Variants in BRD4 observed in about 807,000 individuals in gnomAD.
The protein encoded by BRD4 is bromodomain containing 4.
BRD4 carries 16 observed loss-of-function variants against 142.1 expected under a neutral mutation model. That is an observed-to-expected ratio of 0.11 (90% CI 0.08 to 0.17). The LOEUF is 0.17. Ranked by LOEUF, BRD4 falls within the 10% of genes least tolerant of loss-of-function variation. The pLI is 1.00. For missense variants in BRD4, 1,424 were observed against 1,810.9 expected (o/e 0.79, Z 3.88); for synonymous variants, 833 against 707.5 (o/e 1.18, Z -2.82).
chr19:15,310,512 C>T (rs2047960653), intron 1 of BRD4, among the ~76,000 whole-genome samples: 1 of 151,856 alleles, frequency 6.6e-6, no homozygotes, highest in Non-Finnish European at 1.5e-5. Flanking sequence ...AGGTGCCCAC[C>T]ACCACGCCTG....
At chr19:15,312,580 C>T (rs181253122) in intron 1 of BRD4, among the ~76,000 whole-genome samples, 1 of 151,510 alleles carries the variant, frequency 6.6e-6, no homozygotes, top group Non-Finnish European at 1.5e-5. Flanking sequence ...TGCAGTGAGC[C>T]GAGATCGCAC....
chr19:15,249,479 G>A (rs2047321644), intron 11 of BRD4, among the ~76,000 whole-genome samples: 1 of 152,126 alleles, frequency 6.6e-6, no homozygotes, highest in South Asian at 2.1e-4. Context: ...CAGACCCACC[G>A]CCCGCTTAGA....
chr19:15,307,326 A>T (rs73508451), intron 1 of BRD4, among the ~76,000 whole-genome samples: 2,059 of 152,270 alleles, frequency 0.014, 38 homozygotes, highest in African/African-American at 0.047. Flanking sequence ...TAACTCTGAC[A>T]GGTGGATGGA....
Position 15,243,503 on chromosome 19 carries a change from A to G in BRD4, c.2582-16T>C. On this transcript the variant is annotated splice_polypyrimidine_tract_variant and intron_variant, in intron 13 of 19. Coordinates refer to ENST00000679869, the MANE Select transcript of BRD4 (RefSeq NM_001379291.1). ...TTGTGCAAAGCTGGAAGAACACAAC[A>G]CCGAGGCGGTGAGGCCTGAGCACCT... is the stretch of plus-strand genomic sequence containing the variant. The G allele has an allele frequency of 6.5e-7, 1 of 1,541,398 alleles. No individual in the cohort carries two copies. The highest frequency in any genetic ancestry group is 8.7e-7 in the Non-Finnish European group (1 of 1,147,646).
intron 7 of BRD4, 92 bp downstream of exon 7, chr19:15,263,328 A>G (rs1234881821): frequency 4.7e-5 from 68 of 1,449,672 alleles, no homozygotes; most frequent in Non-Finnish European, 5.9e-5. Flanking sequence ...AAAGTGACAG[A>G]AAAAAAAACT....
At chr19:15,251,417 A>G (rs2047342706) in intron 11 of BRD4, among the ~76,000 whole-genome samples, 1 of 122,582 alleles carries the variant, frequency 8.2e-6, no homozygotes, top group Non-Finnish European at 1.6e-5. Context: ...TTCGGCTCCA[A>G]TCCAAATGGA....
Position 15,326,869 on chromosome 19 carries a change from T to A in BRD4, c.-35+5421A>T, listed in dbSNP as rs539511281. On this transcript the variant is annotated intron_variant, in intron 1 of 19. Transcript: ENST00000679869. ...TGGTTTAATTGAGGTTGGTAGCCTG[T>A]CGAGACTGAAAACAAACTGCTTTAA... Among the ~76,000 whole-genome samples the A allele has an allele frequency of 6.6e-5, 10 of 152,204 alleles. No individual in the cohort carries two copies. In the South Asian group the frequency reaches 1.4e-3, roughly 22 times the overall value.
chr19:15,259,694 G>A (rs1339992657), intron 7 of BRD4, among the ~76,000 whole-genome samples: 1 of 152,196 alleles, frequency 6.6e-6, no homozygotes, highest in African/African-American at 2.4e-5. Flanking sequence ...GGCTGCTGTA[G>A]GAAAACCTTG....
chr19:15,274,374 CAAGGG>C (rs1219691515), intron 1 of BRD4, among the ~76,000 whole-genome samples: 1 of 152,118 alleles, frequency 6.6e-6, no homozygotes, highest in African/African-American at 2.4e-5. Flanking sequence ...GTGATGGGGT[CAAGGG>C]GAGGGGAGGC....
chr19:15,270,920 T>C (rs981354207), intron 2 of BRD4, among the ~76,000 whole-genome samples: 1 of 152,118 alleles, frequency 6.6e-6, no homozygotes, highest in Admixed American at 6.5e-5. Context: ...AGGGCCACCA[T>C]GGATCAGTCC....
chr19:15,330,064 C>A (rs2048143737), intron 1 of BRD4, among the ~76,000 whole-genome samples: 1 of 152,250 alleles, frequency 6.6e-6, no homozygotes, highest in Admixed American at 6.5e-5. Flanking sequence ...GCCAAACAAT[C>A]CTTAAAACTC....
At position 15,237,263 on chromosome 19, in the gene BRD4, A is replaced by G. The variant is rs898567183; in HGVS notation, c.*1114T>C. The G allele has an allele frequency of 0.12, 4,350 of 35,236 alleles. 10 individuals are homozygous for G. The highest frequency in any genetic ancestry group is 0.14 in the Admixed American group (269 of 1,856). The allele number at this position is 35,236 out of a possible 1,614,324, so 2.2% of individuals were successfully genotyped here. On this transcript the variant is annotated 3_prime_UTR_variant, in exon 20 of 20. Coordinates refer to ENST00000679869, the MANE Select transcript of BRD4 (RefSeq NM_001379291.1). ...AAATGGGTGGGGGGGGGGGGGGTGG[A>G]GGGGAAAGAAAAGAAATTGTAGCTT...
chr19:15,298,414 G>T (rs1325847321), intron 1 of BRD4, among the ~76,000 whole-genome samples: 3 of 151,782 alleles, frequency 2.0e-5, no homozygotes, highest in African/African-American at 7.3e-5. Context: ...GAGGCGGGCA[G>T]ATCACGAGCT....
At position 15,243,207 on chromosome 19, in the gene BRD4, G is replaced by C. The variant is rs2047254713; in HGVS notation, c.2862C>G (p.Pro954=). Residue 954 remains proline (P), a synonymous_variant, in exon 14 of 20, where the codon CCC becomes CCG. Coordinates refer to ENST00000679869, the MANE Select transcript of BRD4 (RefSeq NM_001379291.1). ...LLPSVKVQSQ[P]PPPLPPPPHP... is the part of the protein sequence containing the mutation. ...GGGGTGGGGGCGGCAGGGGGGGTGG[G>C]GGCTGGGACTGCACCTTCACGGAAG... The C allele has an allele frequency of 8.7e-7, 1 of 1,143,644 alleles. No homozygotes were observed. The highest frequency in any genetic ancestry group is 1.2e-6 in the Non-Finnish European group (1 of 838,242). The allele number at this position is 1,143,644 out of a possible 1,614,324, so 70.8% of individuals were successfully genotyped here. A position where few individuals can be genotyped will look rare whatever the true frequency, so the allele number is the denominator to read the frequency against.
chr19:15,306,524 G>A (rs759636088), intron 1 of BRD4, among the ~76,000 whole-genome samples: 6 of 151,942 alleles, frequency 3.9e-5, no homozygotes, highest in East Asian at 1.9e-4. Context: ...TCCCACCTAC[G>A]CCTGCCAAAA....
intron 1 of BRD4, among the ~76,000 whole-genome samples, chr19:15,279,105 T>C (rs1217702516): frequency 1.3e-5 from 2 of 152,190 alleles, no homozygotes; most frequent in African/African-American, 2.4e-5. Context: ...CCGCCCAAAG[T>C]GCTGGGATTA....
rs1002814281 is a variant in BRD4, at chr19:15,237,500, G to A, written c.*877C>T. On this transcript the variant is annotated 3_prime_UTR_variant, in exon 20 of 20. Coordinates refer to ENST00000679869, the MANE Select transcript of BRD4 (RefSeq NM_001379291.1). ...GCCACGGTCACACACTACCCACAGC[G>A]CGGTGGCAGCCGCTGCTCAATGAGG... is the stretch of plus-strand genomic sequence containing the variant. 5.7e-5 allele frequency: 13 copies of A among 226,356 alleles called. No individual in the cohort carries two copies. The highest frequency in any genetic ancestry group is 2.5e-4 in the East Asian group (4 of 15,870). 14.0% of individuals were successfully genotyped at this position (226,356 alleles called of 1,614,324 possible).
intron 7 of BRD4, chr19:15,257,398 T>A: frequency 3.5e-6 from 2 of 570,608 alleles, no homozygotes; most frequent in Non-Finnish European, 6.2e-6. Flanking sequence ...AAGAACAAGG[T>A]GGTCCAGAGA....
In BRD4 at chr19:15,237,587, A is replaced by T. The variant is rs2047203453; in HGVS notation, c.*790T>A. 1 of 228,988 alleles carries T rather than the reference A, an allele frequency of 4.4e-6. No homozygotes were observed. The highest frequency in any genetic ancestry group is 1.8e-4 in the South Asian group (1 of 5,496). 14.2% of individuals were successfully genotyped at this position (228,988 alleles called of 1,614,324 possible). A position where few individuals can be genotyped will look rare whatever the true frequency, so the allele number is the denominator to read the frequency against. Reference sequence around the variant, plus strand: ...TGTGTCTGGAGGAGAAGAGAGAATTAAAAATAAAATAGAATTCAACAAAAA... The same window carrying T: ...TGTGTCTGGAGGAGAAGAGAGAATTTAAAATAAAATAGAATTCAACAAAAA... On this transcript the variant is annotated 3_prime_UTR_variant, in exon 20 of 20. Coordinates refer to ENST00000679869, the MANE Select transcript of BRD4 (RefSeq NM_001379291.1).
Sources: allele counts gnomAD v4.1 joint callset (sites outside exome capture counted in the v4.1 genomes callset), GRCh38; gene constraint gnomAD v4.1.1; transcripts MANE v1.5; gene names NCBI Gene and HGNC (gene_info 2026-07-23, HGNC 2026-07-21).